The following MAN2B2 variants were observed in gnomAD, a reference collection of about 807,000 sequenced individuals.
The protein encoded by MAN2B2 is mannosidase alpha class 2B member 2.
MAN2B2 carries 106 observed loss-of-function variants against 117.1 expected under a neutral mutation model. The observed-to-expected ratio is 0.90, with a 90% CI of 0.77 to 1.06. The LOEUF is 1.06. MAN2B2 is among the 50% of genes least tolerant of loss of function. MAN2B2 has a pLI of 0.00. For missense variants in MAN2B2, 1,326 were observed against 1,381.4 expected (o/e 0.96, Z 0.64); for synonymous variants, 544 against 595.1 (o/e 0.91, Z 1.25).
At chr4:6,599,775 C>T (rs966055604) in intron 9 of MAN2B2, among the ~76,000 whole-genome samples, 8 of 152,034 alleles carry the variant, frequency 5.3e-5, no homozygotes, top group Non-Finnish European at 1.0e-4. Flanking sequence ...TAGCATCTAA[C>T]ATGCCCTTCC....
intron 9 of MAN2B2, among the ~76,000 whole-genome samples, chr4:6,599,579 C>G (rs28503856): frequency 0.07 from 10,531 of 150,204 alleles, 922 homozygotes; most frequent in African/African-American, 0.21. Context: ...AGGAGAATGG[C>G]GTGAACCCAG....
rs755126148 is a variant in MAN2B2, at chr4:6,597,143, C to G, written c.1088C>G (p.Thr363Arg). Reference protein sequence around the residue: ...EPFQAWTGFYTSRSSLKGLAR... With the variant: ...EPFQAWTGFYRSRSSLKGLAR... The stretch of plus-strand genomic sequence containing the variant: ...TTCCAGGCCTGGACGGGCTTCTACA[C>G]GTCCCGCAGCTCACTGAAGGGGCTG... Residue 363 changes from threonine to arginine, a missense_variant, in exon 8 of 19, where the codon ACG (threonine) becomes AGG (arginine). By Grantham distance (71) the Thr-to-Arg change is moderately conservative. Transcript: ENST00000285599. 1.2e-6 allele frequency: 2 copies of G among 1,613,262 alleles called. No individual in the cohort carries two copies. Among genetic ancestry groups the G allele is most frequent in the African/African-American group, 1.3e-5 (1 of 74,932 alleles).
At chr4:6,598,488 A>G in intron 9 of MAN2B2, 134 bp downstream of exon 9, 1 of 962,070 alleles carries the variant, frequency 1.0e-6, no homozygotes, top group Non-Finnish European at 1.5e-6. Context: ...CCATGGTGAG[A>G]GCTCGGACAG....
rs771789573 is a variant in MAN2B2, at chr4:6,593,239, C to T, written c.747C>T (p.Asn249=). ...CTCCCCAAGATGGGGTGTACCCCAA[C>T]ATGAGTGAGCCTGTCACCCCAGCCA... ...PKPPQDGVYP[N]MSEPVTPANI... is the part of the protein sequence containing the mutation. Residue 249 remains asparagine, a synonymous_variant, in exon 6 of 19, where the codon AAC becomes AAT. Coordinates refer to ENST00000285599, the MANE Select transcript of MAN2B2 (RefSeq NM_015274.3). The T allele has an allele frequency of 5.0e-6, 8 of 1,614,000 alleles. No homozygotes were observed. The East Asian group carries it at 8.9e-5, about 18-fold the overall frequency.
intron 16 of MAN2B2, among the ~76,000 whole-genome samples, chr4:6,614,708 C>G (rs1470902631): frequency 6.6e-6 from 1 of 152,206 alleles, no homozygotes; most frequent in Non-Finnish European, 1.5e-5. Flanking sequence ...CTGGAGCCCC[C>G]AAACACCCAA....
chr4:6,582,188 C>A (rs1414746306), intron 3 of MAN2B2, among the ~76,000 whole-genome samples: 1 of 152,136 alleles, frequency 6.6e-6, no homozygotes, highest in Admixed American at 6.5e-5. Flanking sequence ...GCTGTCCTGG[C>A]CATTCAAACC....
At chr4:6,615,532 C>G (rs1185541486) in intron 16 of MAN2B2, among the ~76,000 whole-genome samples, 1 of 152,078 alleles carries the variant, frequency 6.6e-6, no homozygotes, top group Non-Finnish European at 1.5e-5. Context: ...CAAGGTGGCT[C>G]ACATCTGTAA....
At chr4:6,584,015 G>A (rs557429183) in intron 3 of MAN2B2, among the ~76,000 whole-genome samples, 82 of 152,326 alleles carry the variant, frequency 5.4e-4, no homozygotes, top group Admixed American at 1.5e-3. Context: ...GGGAAGTCAC[G>A]TCTCCCTGGC....
chr4:6,583,397 G>A (rs899804545), intron 3 of MAN2B2, among the ~76,000 whole-genome samples: 53 of 152,068 alleles, frequency 3.5e-4, no homozygotes, highest in Admixed American at 2.9e-3. Context: ...CATTTGCCCT[G>A]CTAAAACCAA....
chr4:6,610,035 C>A lies in MAN2B2; in HGVS notation c.2244C>A (p.Asn748Lys). Residue 748 changes from asparagine to lysine, a missense_variant, in exon 13 of 19, where the codon AAC (asparagine) becomes AAA (lysine). Physicochemically the swap from Asn to Lys is moderately conservative, Grantham distance 94 (BLOSUM62 0). Transcript: ENST00000285599. ...GGAGGCCCTACGTTTCCTATGTGAACAACAGCATCGCCCGGGTATGTCCTG... is the reference window on the plus strand; with the variant it reads ...GGAGGCCCTACGTTTCCTATGTGAAAAACAGCATCGCCCGGGTATGTCCTG... Reference protein sequence around the residue: ...MQRRPYVSYVNNSIARNYYPM... With the variant: ...MQRRPYVSYVKNSIARNYYPM... 1 of 1,614,164 alleles carries A rather than the reference C, an allele frequency of 6.2e-7. No homozygotes were observed. Among genetic ancestry groups the A allele is most frequent in the Non-Finnish European group, 8.5e-7 (1 of 1,180,020 alleles).
chr4:6,576,548 G>A (rs373823718), intron 1 of MAN2B2, 30 bp from the exon 2 acceptor site: 48 of 1,596,512 alleles, frequency 3.0e-5, no homozygotes, highest in Middle Eastern at 1.8e-4. Context: ...TTGTTGGACC[G>A]GGGCTGGCAT....
At chr4:6,610,078 G>A (rs567663767) in intron 13 of MAN2B2, 28 bp downstream of exon 13, 15 of 1,611,130 alleles carry the variant, frequency 9.3e-6, no homozygotes, top group African/African-American at 2.7e-5. Flanking sequence ...CACAAGGCAC[G>A]CTCCCAATGG....
At position 6,587,115 on chromosome 4, in the gene MAN2B2, C is replaced by T; in HGVS notation, c.511C>T (p.His171Tyr). 6.2e-7 allele frequency: 1 copy of T among 1,613,958 alleles called. No individual in the cohort carries two copies. The highest frequency in any genetic ancestry group is 1.6e-4 in the Middle Eastern group (1 of 6,062). Residue 171 changes from histidine (H) to tyrosine (Y), a missense_variant, in exon 4 of 19, where the codon CAC becomes TAC. Transcript: ENST00000285599. ...TLFALAGFNA[H>Y]LGSRIDYDLK... The stretch of plus-strand genomic sequence containing the variant: ...ATTTGCGCTGGCGGGCTTCAATGCC[C>T]ACCTCGGCTCCCGGATCGACTACGA...
intron 10 of MAN2B2, among the ~76,000 whole-genome samples, chr4:6,602,007 G>C (rs1039110283): frequency 3.9e-5 from 6 of 152,202 alleles, no homozygotes; most frequent in African/African-American, 1.4e-4. Context: ...CATCCAATGT[G>C]GCCAGAAGCC....
chr4:6,592,967 A>T (rs931053878), intron 5 of MAN2B2, among the ~76,000 whole-genome samples: 2 of 152,096 alleles, frequency 1.3e-5, no homozygotes, highest in African/African-American at 4.8e-5. Context: ...GGGTCCTGAG[A>T]CCCGGGGTCT....
intron 16 of MAN2B2, among the ~76,000 whole-genome samples, chr4:6,616,474 G>A (rs74464177): frequency 0.032 from 4,839 of 152,274 alleles, 116 homozygotes; most frequent in African/African-American, 0.063. Context: ...CCCCCATGCT[G>A]TGCATCCAGT....
intron 3 of MAN2B2, among the ~76,000 whole-genome samples, chr4:6,581,268 T>A (rs1726418084): frequency 6.6e-6 from 1 of 152,176 alleles, no homozygotes; most frequent in African/African-American, 2.4e-5. Context: ...CACTGGCGGC[T>A]GAGCCAAGCC....
intron 11 of MAN2B2, 44 bp downstream of exon 11, chr4:6,605,373 G>C (rs1421735069): frequency 5.7e-6 from 9 of 1,567,380 alleles, no homozygotes; most frequent in South Asian, 4.7e-5. Context: ...GGCATGCCTG[G>C]AGCCTGGGCA....
At chr4:6,587,750 G>GTTTTTTTTTTTTTTT (rs201846526) in intron 4 of MAN2B2, among the ~76,000 whole-genome samples, 1 of 113,480 alleles carries the variant, frequency 8.8e-6, no homozygotes, top group African/African-American at 3.8e-5. Flanking sequence ...TTGGGTTGTT[G>GTTTTTTTTTTTTTTT]TTTTTTTTTT....
Sources: gnomAD v4.1 joint callset for allele counts (sites outside exome capture counted in the v4.1 genomes callset) on GRCh38, gnomAD v4.1.1 for gene constraint, MANE v1.5 for transcripts, NCBI Gene and HGNC (gene_info 2026-07-23, HGNC 2026-07-21) for gene names.